The following LINGO2 variants were observed in gnomAD, a reference collection of about 807,000 sequenced individuals.
The protein encoded by LINGO2 is leucine-rich repeat and immunoglobulin-like domain-containing nogo receptor-interacting protein 2.
Under a neutral mutation model 30.6 loss-of-function variants are expected in LINGO2, and 14 were observed. The ratio of observed to expected loss-of-function variants is 0.46; its 90% CI spans 0.30 to 0.72. The LOEUF (loss-of-function observed/expected upper bound fraction) is 0.72, where lower values mean the gene tolerates loss of function less well. LINGO2 is among the 30% of genes least tolerant of loss of function. The pLI, the probability that LINGO2 is intolerant of heterozygous loss-of-function variation, is 0.07. For missense variants in LINGO2, 729 were observed against 751.7 expected (o/e 0.97, Z 0.35); for synonymous variants, 317 against 288.5 (o/e 1.10, Z -1.00).
intron 1 of LINGO2, among the ~76,000 whole-genome samples, chr9:28,577,924 G>A (rs925403332): frequency 2.6e-5 from 4 of 152,138 alleles, no homozygotes; most frequent in African/African-American, 9.7e-5. Context: ...AGCTTTTTCT[G>A]AATGGAAAAT....
the LINGO2 span, among the ~76,000 whole-genome samples, chr9:28,692,500 A>C: frequency 6.6e-6 from 1 of 152,156 alleles, no homozygotes; most frequent in Admixed American, 6.5e-5. Context: ...AAATAAAAAT[A>C]AAGTGACAAT....
chr9:29,171,119 C>A, the LINGO2 span, among the ~76,000 whole-genome samples: 158 of 152,058 alleles, frequency 1.0e-3, 1 homozygote, highest in African/African-American at 3.8e-3. Context: ...ATTCCTTGTC[C>A]CTCTCCTTTT....
intron 4 of LINGO2, among the ~76,000 whole-genome samples, chr9:28,236,616 A>G (rs1198966433): frequency 2.0e-5 from 3 of 152,202 alleles, no homozygotes; most frequent in African/African-American, 7.2e-5. Context: ...GTGTTCAATG[A>G]AATAAGCTAG....
At chr9:29,045,110 T>C in the LINGO2 span, among the ~76,000 whole-genome samples, 1 of 152,098 alleles carries the variant, frequency 6.6e-6, no homozygotes, top group African/African-American at 2.4e-5. Context: ...GACAGGCAGG[T>C]AGTATGTATA....
the LINGO2 span, among the ~76,000 whole-genome samples, chr9:28,811,596 CT>C: frequency 1.3e-5 from 2 of 152,212 alleles, no homozygotes; most frequent in Admixed American, 6.5e-5. Flanking sequence ...GCAATACTAG[CT>C]TTTTTTCTAT....
At chr9:28,237,115 TGC>T (rs941049470) in intron 4 of LINGO2, among the ~76,000 whole-genome samples, 3 of 38,054 alleles carry the variant, frequency 7.9e-5, no homozygotes, top group African/African-American at 3.5e-4. Flanking sequence ...AGTTAAACAG[TGC>T]GGGGGGGGGG....
At chr9:28,326,896 C>T (rs985616025) in intron 3 of LINGO2, among the ~76,000 whole-genome samples, 1 of 152,114 alleles carries the variant, frequency 6.6e-6, no homozygotes, top group African/African-American at 2.4e-5. Context: ...GAGAAAAGCA[C>T]TAGGGGAATG....
the LINGO2 span, chr9:27,939,824 T>C: frequency 1.3e-5 from 2 of 152,218 alleles, no homozygotes; most frequent in Admixed American, 6.5e-5. Context: ...TGAATAGTGA[T>C]GCTGCAGTTA....
intron 4 of LINGO2, among the ~76,000 whole-genome samples, chr9:28,017,077 TA>T (rs1322895778): frequency 6.6e-6 from 1 of 152,006 alleles, no homozygotes; most frequent in Non-Finnish European, 1.5e-5. Flanking sequence ...TAAACAGAGC[TA>T]AAAACAAAAA....
In LINGO2 at chr9:28,342,658, G is replaced by A. The variant is rs977645813; in HGVS notation, c.-246+30178C>T. Among the ~76,000 whole-genome samples, 4 of 152,210 alleles carry A rather than the reference G, an allele frequency of 2.6e-5. No homozygotes were observed. In the East Asian group the frequency reaches 5.8e-4, roughly 22 times the overall value. On this transcript the variant is annotated intron_variant, in intron 3 of 5. Transcript: ENST00000379992. ...GTAATAACCTCAGAAAAGTACTGCA[G>A]TATATGGGGTGAGTGGTGGTGGGGA...
the LINGO2 span, among the ~76,000 whole-genome samples, chr9:28,718,448 T>C: frequency 6.6e-6 from 1 of 152,170 alleles, no homozygotes; most frequent in African/African-American, 2.4e-5. Flanking sequence ...ATTGCTATCA[T>C]ACCAGACAAT....
At chr9:29,143,191 C>T in the LINGO2 span, among the ~76,000 whole-genome samples, 29,006 of 151,884 alleles carry the variant, frequency 0.19, 2,919 homozygotes, top group East Asian at 0.37. Flanking sequence ...ACAAATATCA[C>T]ATCTAGTGTT....
chr9:27,995,869 T>G (rs1197643797), intron 5 of LINGO2, among the ~76,000 whole-genome samples: 1 of 152,110 alleles, frequency 6.6e-6, no homozygotes, highest in African/African-American at 2.4e-5. Flanking sequence ...GCAAAAGCAA[T>G]TATACAGCAG....
At chr9:27,967,825 C>T (rs1233233843) in intron 5 of LINGO2, among the ~76,000 whole-genome samples, 1 of 152,122 alleles carries the variant, frequency 6.6e-6, no homozygotes, top group Non-Finnish European at 1.5e-5. Context: ...TTCCCATTTG[C>T]ATGCCTACTC....
the LINGO2 span, among the ~76,000 whole-genome samples, chr9:28,982,959 C>T: frequency 6.6e-6 from 1 of 151,696 alleles, no homozygotes; most frequent in Non-Finnish European, 1.5e-5. Flanking sequence ...TTGCTAGTGA[C>T]TGACAATTCA....
the LINGO2 span, among the ~76,000 whole-genome samples, chr9:28,982,710 T>A: frequency 1.3e-5 from 2 of 151,986 alleles, 1 homozygote. Flanking sequence ...TTTAAAGAAT[T>A]GCATGTAGTA....
the LINGO2 span, among the ~76,000 whole-genome samples, chr9:28,871,218 T>C: frequency 6.6e-6 from 1 of 151,676 alleles, no homozygotes; most frequent in East Asian, 1.9e-4. Context: ...CTAAATTATA[T>C]TTAAATAATA....
chr9:27,992,256 T>C (rs1821433909), intron 5 of LINGO2, among the ~76,000 whole-genome samples: 1 of 152,100 alleles, frequency 6.6e-6, no homozygotes, highest in African/African-American at 2.4e-5. Flanking sequence ...TGTTTTCTAA[T>C]ATTTGGATAC....
At chr9:28,963,453 T>C in the LINGO2 span, among the ~76,000 whole-genome samples, 6 of 151,664 alleles carry the variant, frequency 4.0e-5, no homozygotes, top group African/African-American at 1.5e-4. Context: ...TGAACCCTCA[T>C]GTTTACTGTG....
Sources: gnomAD v4.1 joint callset for allele counts (sites outside exome capture counted in the v4.1 genomes callset) on GRCh38, gnomAD v4.1.1 for gene constraint, MANE v1.5 for transcripts, NCBI Gene and HGNC (gene_info 2026-07-23, HGNC 2026-07-21) for gene names.